Variants in SLFN14 observed in about 807,000 individuals in gnomAD.
SLFN14 encodes protein SLFN14.
Under a neutral mutation model 58.6 loss-of-function variants are expected in SLFN14, and 47 were observed. The ratio of observed to expected loss-of-function variants is 0.80; its 90% CI spans 0.64 to 1.02. SLFN14 has a LOEUF of 1.02. Among genes scored for constraint, SLFN14 ranks in the 50% least tolerant of loss-of-function variants. SLFN14 has a pLI of 0.00. For synonymous variants in SLFN14, 390 were observed against 387.3 expected (o/e 1.01, Z -0.08); for missense variants, 967 against 1,078.4 (o/e 0.90, Z 1.45).
chr17:35,546,836 G>C lies in SLFN14; in HGVS notation c.*1403C>G, dbSNP rs532592670. ...TTTCAAAGGTGGAGGGGACAGAAAA[G>C]GGTTTAAAGACTGAGAAAATGGCAC... On this transcript the variant is annotated 3_prime_UTR_variant, in exon 6 of 6. Coordinates refer to ENST00000674182, the MANE Select transcript of SLFN14 (RefSeq NM_001129820.2). 6.6e-6 allele frequency among the ~76,000 whole-genome samples: 1 copy of C among 152,318 alleles called. No homozygotes were observed. The highest frequency in any genetic ancestry group is 2.1e-4 in the South Asian group (1 of 4,830).
Position 35,552,297 on chromosome 17 carries a change from GCTGA to G in SLFN14, c.1904+429_1904+432del, listed in dbSNP as rs1239784852. Reference sequence around the variant, plus strand: ...AGACAGGACTAGCTGGATTTCCTAGGCTGACTAAAAATCCCTAAGCCTAGCTGGG... The same window carrying G: ...AGACAGGACTAGCTGGATTTCCTAGGCTAAAAATCCCTAAGCCTAGCTGGG... On this transcript the variant is annotated intron_variant, in intron 5 of 5. Transcript: ENST00000674182. Among the ~76,000 whole-genome samples, 11 of 152,052 alleles carry G rather than the reference GCTGA, an allele frequency of 7.2e-5. No individual in the cohort carries two copies. In the East Asian group the frequency reaches 2.1e-3, roughly 29 times the overall value.
chr17:35,555,812 T>C (rs2072647025), intron 3 of SLFN14, among the ~76,000 whole-genome samples: 1 of 152,158 alleles, frequency 6.6e-6, no homozygotes, highest in Admixed American at 6.5e-5. Flanking sequence ...CTGATTCCAA[T>C]CAAAACTGAA....
At chr17:35,550,287 TGTAATCCCA>T (rs2072573173) in intron 5 of SLFN14, among the ~76,000 whole-genome samples, 1 of 152,258 alleles carries the variant, frequency 6.6e-6, no homozygotes, top group African/African-American at 2.4e-5. Context: ...GGCTCACGCC[TGTAATCCCA>T]GCACTTTGCG....
rs1186795816 is a variant in SLFN14, at chr17:35,545,237, C to G, written c.*3002G>C. On this transcript the variant is annotated 3_prime_UTR_variant, in exon 6 of 6. Transcript: ENST00000674182. Reference sequence around the variant, plus strand: ...CTCTAACATTAGAAATTCATACTATCGAATTGAATCATTGTAGATTCTAGT... The same window carrying G: ...CTCTAACATTAGAAATTCATACTATGGAATTGAATCATTGTAGATTCTAGT... Among the ~76,000 whole-genome samples, 1 of 152,166 alleles carries G rather than the reference C, an allele frequency of 6.6e-6. No individual in the cohort carries two copies. The highest frequency in any genetic ancestry group is 1.5e-5 in the Non-Finnish European group (1 of 68,036).
At chr17:35,556,908 T>C (rs2072656846) in intron 3 of SLFN14, 95 bp downstream of exon 3, 2 of 1,178,472 alleles carry the variant, frequency 1.7e-6, no homozygotes, top group Admixed American at 2.9e-5. Context: ...AATAAATTTC[T>C]ATTTTTTAAC....
At chr17:35,552,506 G>A (rs953087451) in intron 5 of SLFN14, among the ~76,000 whole-genome samples, 2 of 151,834 alleles carry the variant, frequency 1.3e-5, no homozygotes, top group Non-Finnish European at 2.9e-5. Flanking sequence ...ATAAACCCAG[G>A]CATTCAAGCT....
At position 35,554,665 on chromosome 17, in the gene SLFN14, A is replaced by G; in HGVS notation, c.1100T>C (p.Ile367Thr). The change falls in exon 4 of 6, where the codon ATT becomes ACT. Residue 367 changes from isoleucine to threonine, a missense_variant. Transcript: ENST00000674182. ...TTTTCGTGCAGATGAAGCTGATGAA[A>G]TCAGGCAAGAGTTGTAGTCTGTGAC... ...SLVTDYNSCL[I>T]SSASSARKSP... is the part of the protein sequence containing the mutation. 1 of 1,496,742 alleles carries G rather than the reference A, an allele frequency of 6.7e-7. No homozygotes were observed. 92.7% of individuals were successfully genotyped at this position (1,496,742 alleles called of 1,614,324 possible).
rs115187522 is a variant in SLFN14, at chr17:35,544,848, T to A, written c.*3391A>T. Among the ~76,000 whole-genome samples the A allele has an allele frequency of 7.4e-4, 113 of 152,276 alleles. No homozygotes were observed. The highest frequency in any genetic ancestry group is 2.5e-3 in the African/African-American group (102 of 41,574). The stretch of plus-strand genomic sequence containing the variant: ...CAGCCTGATTTAAGAACTTTTAATT[T>A]TGCCTTTCTCCATTTCCGAAGCTTC... On this transcript the variant is annotated 3_prime_UTR_variant, in exon 6 of 6. Transcript: ENST00000674182.
chr17:35,550,815 T>G (rs906089033), intron 5 of SLFN14, among the ~76,000 whole-genome samples: 25 of 152,216 alleles, frequency 1.6e-4, no homozygotes, highest in African/African-American at 6.0e-4. Flanking sequence ...AAATCAGAAG[T>G]GAATTTGCAT....
At position 35,557,982 on chromosome 17, in the gene SLFN14, T is replaced by A; in HGVS notation, c.81A>T (p.Glu27Asp). The A allele has an allele frequency of 1.3e-6, 2 of 1,551,666 alleles. No homozygotes were observed. Among genetic ancestry groups the A allele is most frequent in the Non-Finnish European group, 1.7e-6 (2 of 1,146,992 alleles). The change falls in exon 3 of 6, where the codon GAA becomes GAT. Residue 27 changes from glutamate to aspartate, a missense_variant. Physicochemically the swap from Glu to Asp is conservative, Grantham distance 45. Transcript: ENST00000674182. ...VDVGRVIFGEENRKKMTNSCL... is the reference protein window; with the variant it reads ...VDVGRVIFGEDNRKKMTNSCL... ...AGCTGTTGGTCATCTTCTTCCTGTTTTCTTCTCCAAAAATCACTCTGCCCA... is the reference window on the plus strand; with the variant it reads ...AGCTGTTGGTCATCTTCTTCCTGTTATCTTCTCCAAAAATCACTCTGCCCA...
At chr17:35,552,456 T>C (rs776663175) in intron 5 of SLFN14, among the ~76,000 whole-genome samples, 2 of 152,022 alleles carry the variant, frequency 1.3e-5, no homozygotes, top group African/African-American at 2.4e-5. Flanking sequence ...GCCAATCATC[T>C]ATTGCCTGAG....
rs1032621601 is a variant in SLFN14 at position 35,547,334 on chromosome 17, CA to C, written c.*904del. Among the ~76,000 whole-genome samples, 1 of 151,968 alleles carries C rather than the reference CA, an allele frequency of 6.6e-6. No individual in the cohort carries two copies. Among genetic ancestry groups the C allele is most frequent in the East Asian group, 1.9e-4 (1 of 5,196 alleles). On this transcript the variant is annotated 3_prime_UTR_variant, in exon 6 of 6. Transcript: ENST00000674182. ...AATCTTATTTTATATTAAGTTGGTG[CA>C]AAAGTAATTGTGGCTTTTGCACTTT... is the stretch of plus-strand genomic sequence containing the variant.
rs1043832005 is a variant in SLFN14, at chr17:35,545,839, G to T, written c.*2400C>A. Among the ~76,000 whole-genome samples the T allele has an allele frequency of 6.6e-6, 1 of 152,062 alleles. No homozygotes were observed. The highest frequency in any genetic ancestry group is 2.4e-5 in the African/African-American group (1 of 41,388). ...TTAATAAATACCGATGCCCGAGCCT[G>T]TGTTCAGACACACTGAGGTTAATTA... On this transcript the variant is annotated 3_prime_UTR_variant, in exon 6 of 6. Coordinates refer to ENST00000674182, the MANE Select transcript of SLFN14 (RefSeq NM_001129820.2).
Position 35,544,205 on chromosome 17 carries a change from G to C in SLFN14, c.*4034C>G, listed in dbSNP as rs546895104. On this transcript the variant is annotated 3_prime_UTR_variant, in exon 6 of 6. Transcript: ENST00000674182. ...ACCCAATGCTGAAAGTCCATGTACA[G>C]CCTCTGTGCACATCAGAACTACTAA... Among the ~76,000 whole-genome samples the C allele has an allele frequency of 6.6e-5, 10 of 152,252 alleles. 1 individual carries two copies. Among genetic ancestry groups the C allele is most frequent in the Middle Eastern group, 3.4e-3 (1 of 294 alleles).
rs1283901877 is a variant in SLFN14, at chr17:35,548,791, G to C, written c.2187C>G (p.Thr729=). Residue 729 remains threonine (T), a synonymous_variant, in exon 6 of 6, where the codon ACC becomes ACG. Transcript: ENST00000674182. ...PSAQFPRKTI[T]SGIHCALEIA... Reference sequence around the variant, plus strand: ...TTTCCAGAGCACAGTGGATCCCACTGGTGATTGTTTTTCGAGGAAACTGAG... The same window carrying C: ...TTTCCAGAGCACAGTGGATCCCACTCGTGATTGTTTTTCGAGGAAACTGAG... The C allele has an allele frequency of 3.7e-5, 58 of 1,551,482 alleles. No homozygotes were observed. In the Admixed American group the frequency reaches 1.1e-3, roughly 29 times the overall value.
In SLFN14 at chr17:35,557,568, C is replaced by A; in HGVS notation, c.495G>T (p.Lys165Asn). 1.3e-6 allele frequency: 2 copies of A among 1,551,666 alleles called. No individual in the cohort carries two copies. The highest frequency in any genetic ancestry group is 1.7e-6 in the Non-Finnish European group (2 of 1,146,986). The change falls in exon 3 of 6, where the codon AAG becomes AAT. Residue 165 changes from lysine to asparagine, a missense_variant. Physicochemically the swap from Lys to Asn is moderately conservative, Grantham distance 94. Coordinates refer to ENST00000674182, the MANE Select transcript of SLFN14 (RefSeq NM_001129820.2). ...TGAGAACCTGCTGAGGATGCAACTT[C>A]TTCACCCTTGGTCTTCCTCTTTGGG... ...FRAQRGRPRV[K>N]KLHPQQVLNR... is the part of the protein sequence containing the mutation.
chr17:35,556,572 G>A (rs2072654441), intron 3 of SLFN14, among the ~76,000 whole-genome samples: 2 of 152,224 alleles, frequency 1.3e-5, no homozygotes, highest in South Asian at 4.2e-4. Context: ...GATCACTTGA[G>A]GTTAGAAGTT....
chr17:35,549,166 C>T (rs2142197151), intron 5 of SLFN14, 93 bp from the exon 6 acceptor site: 2 of 958,140 alleles, frequency 2.1e-6, no homozygotes, highest in East Asian at 5.3e-5. Context: ...GGCTGATTCT[C>T]ATCTGCAGGC....
rs2072662598 is a variant in SLFN14 at position 35,557,378 on chromosome 17, G to A, written c.685C>T (p.Pro229Ser). 2 of 1,551,682 alleles carry A rather than the reference G, an allele frequency of 1.3e-6. No individual in the cohort carries two copies. Among genetic ancestry groups the A allele is most frequent in the East Asian group, 2.4e-5 (1 of 40,926 alleles). The change falls in exon 3 of 6, where the codon CCT becomes TCT. Residue 229 changes from proline (P) to serine (S), a missense_variant. Physicochemically the swap from Pro to Ser is moderately conservative, Grantham distance 74. Coordinates refer to ENST00000674182, the MANE Select transcript of SLFN14 (RefSeq NM_001129820.2). The stretch of plus-strand genomic sequence containing the variant: ...TTGGCAAATGCAGAAACATAATGAG[G>A]CAGCATTTCCTTAATCCGAGGTATG... ...KVIPRIKEMLPHYVSAFANTQ... is the reference protein window; with the variant it reads ...KVIPRIKEMLSHYVSAFANTQ...
Sources: gnomAD v4.1 joint callset for allele counts (sites outside exome capture counted in the v4.1 genomes callset) on GRCh38, gnomAD v4.1.1 for gene constraint, MANE v1.5 for transcripts, NCBI Gene and HGNC (gene_info 2026-07-23, HGNC 2026-07-21) for gene names.